Variants in OSR1 observed in about 807,000 individuals in gnomAD.
The protein encoded by OSR1 is odd-skipped related transcription factor 1, also known as protein odd-skipped-related 1.
In OSR1, 3 loss-of-function variants were observed where a neutral mutation model predicts 15.7. That is an observed-to-expected ratio of 0.19 (90% CI 0.09 to 0.50). The LOEUF is 0.50. Among genes scored for constraint, OSR1 ranks in the 20% least tolerant of loss-of-function variants. OSR1 has a pLI of 0.97. For missense variants in OSR1, 271 were observed against 351.1 expected (o/e 0.77, Z 1.82); for synonymous variants, 166 against 152.7 (o/e 1.09, Z -0.64).
At chr2:19,347,941 T>C (rs946761566), downstream of OSR1, among the ~76,000 whole-genome samples, 6 of 152,362 alleles carry the variant, frequency 3.9e-5, no homozygotes, top group African/African-American at 1.4e-4. Context: ...CCTGAGTTTG[T>C]GATCCCCAAA....
At chr2:19,352,489 C>T (rs1664861418) in intron 2 of OSR1, 79 bp from the exon 3 acceptor site, 2 of 1,524,950 alleles carry the variant, frequency 1.3e-6, no homozygotes, top group East Asian at 2.3e-5. Flanking sequence ...CCTCCCACTG[C>T]TGTGGGGCAC....
intron 2 of OSR1, 62 bp downstream of exon 2, chr2:19,353,079 G>A (rs1664871561): frequency 4.5e-6 from 7 of 1,572,056 alleles, no homozygotes; most frequent in South Asian, 3.4e-5. Context: ...AACCTCGTTA[G>A]GGAGAAAGAT....
rs557201910 is a variant in OSR1 at position 19,351,676 on chromosome 2, G to T, written c.*599C>A. The T allele has an allele frequency of 1.3e-5, 2 of 152,812 alleles. No homozygotes were observed. Among genetic ancestry groups the T allele is most frequent in the South Asian group, 4.1e-4 (2 of 4,832 alleles). 9.5% of individuals were successfully genotyped at this position (152,812 alleles called of 1,614,324 possible). A position where few individuals can be genotyped will look rare whatever the true frequency, so the allele number is the denominator to read the frequency against. On this transcript the variant is annotated 3_prime_UTR_variant, in exon 3 of 3. Transcript: ENST00000272223. The stretch of plus-strand genomic sequence containing the variant: ...ACCCCAGGCCCGAGGTCCCCGTCCC[G>T]CTCTCCTAGTCCCGGAGCCCACGGC...
chr2:19,345,259 T>C, the OSR1 span, among the ~76,000 whole-genome samples: 1 of 152,262 alleles, frequency 6.6e-6, no homozygotes, highest in African/African-American at 2.4e-5. Flanking sequence ...AGGTTGCCTG[T>C]TCACTCTGAT....
chr2:19,358,025 C>T (rs1664985195), intron 1 of OSR1: 1 of 152,258 alleles, frequency 6.6e-6, no homozygotes, highest in Non-Finnish European at 1.5e-5. Flanking sequence ...TTAAAGGGGG[C>T]CCACAGATTG....
chr2:19,358,072 G>T (rs1488766287), intron 1 of OSR1: 1 of 152,272 alleles, frequency 6.6e-6, no homozygotes, highest in Non-Finnish European at 1.5e-5. Context: ...CCGTGATTCC[G>T]CAGAGCCGGG....
At position 19,357,028 on chromosome 2, in the gene OSR1, C is replaced by G. The variant is rs567196870; in HGVS notation, c.-33+1313G>C. On this transcript the variant is annotated intron_variant, in intron 1 of 2. Coordinates refer to ENST00000272223, the MANE Select transcript of OSR1 (RefSeq NM_145260.3). The surrounding 1 kb of genome is among the most constrained non-coding windows in gnomAD (Gnocchi z 5.0). Reference sequence around the variant, plus strand: ...TCTCCAACGAGTGGTGACAGGCGTCCGGACCCCCGTGAAGAGGACTGACCG... The same window carrying G: ...TCTCCAACGAGTGGTGACAGGCGTCGGGACCCCCGTGAAGAGGACTGACCG... 69 of 152,286 alleles carry G rather than the reference C, an allele frequency of 4.5e-4. No homozygotes were observed. Among genetic ancestry groups the G allele is most frequent in the African/African-American group, 1.6e-3 (68 of 41,548 alleles). 9.4% of individuals were successfully genotyped at this position (152,286 alleles called of 1,614,324 possible). A position where few individuals can be genotyped will look rare whatever the true frequency, so the allele number is the denominator to read the frequency against.
At chr2:19,348,067 T>C (rs1664766289), downstream of OSR1, among the ~76,000 whole-genome samples, 1 of 152,078 alleles carries the variant, frequency 6.6e-6, no homozygotes, top group African/African-American at 2.4e-5. Context: ...GCTTGCGCAG[T>C]GGGAGAGGAG....
intron 1 of OSR1, chr2:19,354,394 C>A (rs560223612): frequency 0.013 from 1,424 of 107,404 alleles, 30 homozygotes; most frequent in African/African-American, 0.038. Context: ...GAATCTCACA[C>A]ACACACACAC....
At chr2:19,353,028 C>A in intron 2 of OSR1, 113 bp downstream of exon 2, 1 of 1,303,296 alleles carries the variant, frequency 7.7e-7, no homozygotes. Flanking sequence ...TAAAGAATTC[C>A]CTGAAGCTCC....
chr2:19,352,467 T>C, intron 2 of OSR1, 57 bp from the exon 3 acceptor site: 1 of 1,595,502 alleles, frequency 6.3e-7, no homozygotes, highest in Non-Finnish European at 8.6e-7. Flanking sequence ...TATAAACAGT[T>C]GCCCAAGATC....
At chr2:19,355,849 G>A (rs934523221) in intron 1 of OSR1, 10 of 152,270 alleles carry the variant, frequency 6.6e-5, no homozygotes, top group Admixed American at 6.5e-4. Flanking sequence ...CGGACACAAG[G>A]AGAAGTAAAT....
rs764419490 is a variant in OSR1, at chr2:19,352,261, C to T, written c.*14G>A. 5.0e-6 allele frequency: 8 copies of T among 1,613,716 alleles called. No individual in the cohort carries two copies. Among genetic ancestry groups the T allele is most frequent in the Non-Finnish European group, 5.9e-6 (7 of 1,179,790 alleles). The stretch of plus-strand genomic sequence containing the variant: ...GCCGCTGGGCCTAGGGTCCTTGTGA[C>T]CCACAGGTTCTATTTAGCATTTGAT... On this transcript the variant is annotated 3_prime_UTR_variant, in exon 3 of 3. Coordinates refer to ENST00000272223, the MANE Select transcript of OSR1 (RefSeq NM_145260.3).
downstream of OSR1, among the ~76,000 whole-genome samples, chr2:19,347,139 T>TG (rs1449339407): frequency 6.6e-6 from 1 of 152,102 alleles, no homozygotes. Flanking sequence ...ATAATAAAGA[T>TG]GGGGGTGGTA....
At position 19,353,757 on chromosome 2, in the gene OSR1, G is replaced by A; in HGVS notation, c.49C>T (p.Gln17Ter). ...PAPVPIHPSL[Q>*]LTNYSFLQAV... ...TGAAGGAAGGAGTAGTTGGTGAGCT[G>A]CAGGGAAGGGTGGATAGGCACCGGC... Residue 17 changes from glutamine (Q) to a stop codon, truncating the protein, a stop_gained, in exon 2 of 3, where the codon CAG becomes TAG. Coordinates refer to ENST00000272223, the MANE Select transcript of OSR1 (RefSeq NM_145260.3). LOFTEE classifies it high-confidence loss of function. 1 of 1,613,842 alleles carries A rather than the reference G, an allele frequency of 6.2e-7. No homozygotes were observed. The highest frequency in any genetic ancestry group is 8.5e-7 in the Non-Finnish European group (1 of 1,179,910).
Position 19,353,347 on chromosome 2 carries a change from C to A in OSR1, c.459G>T (p.Val153=). Reference sequence around the variant, plus strand: ...GCTTCTTTTCTGGAGACAGCTTGGTCACGTCGAGGAGGGCACCCAGCCCAC... The same window carrying A: ...GCTTCTTTTCTGGAGACAGCTTGGTAACGTCGAGGAGGGCACCCAGCCCAC... The part of the protein sequence containing the change: ...PAGGLGALLD[V]TKLSPEKKPT... Residue 153 remains valine (V), a synonymous_variant, in exon 2 of 3, where the codon GTG becomes GTT. Coordinates refer to ENST00000272223, the MANE Select transcript of OSR1 (RefSeq NM_145260.3). The A allele has an allele frequency of 6.2e-7, 1 of 1,614,224 alleles. No individual in the cohort carries two copies. The highest frequency in any genetic ancestry group is 1.1e-5 in the South Asian group (1 of 91,080).
rs1329652166 is a variant in OSR1 at position 19,352,264 on chromosome 2, A to G, written c.*11T>C. On this transcript the variant is annotated 3_prime_UTR_variant, in exon 3 of 3. Coordinates refer to ENST00000272223, the MANE Select transcript of OSR1 (RefSeq NM_145260.3). ...GCTGGGCCTAGGGTCCTTGTGACCC[A>G]CAGGTTCTATTTAGCATTTGATCTT... 3 of 1,613,900 alleles carry G rather than the reference A, an allele frequency of 1.9e-6. No homozygotes were observed. The South Asian group carries it at 3.3e-5, about 18-fold the overall frequency.
At chr2:19,353,013 G>T in intron 2 of OSR1, 128 bp downstream of exon 2, 1 of 1,205,782 alleles carries the variant, frequency 8.3e-7, no homozygotes, top group Non-Finnish European at 1.1e-6. Flanking sequence ...TTTCCTTCTT[G>T]ATTTTAAAGA....
At chr2:19,356,305 C>T (rs1250118085) in intron 1 of OSR1, 1 of 152,262 alleles carries the variant, frequency 6.6e-6, no homozygotes, top group African/African-American at 2.4e-5. Context: ...CCAACCTTTC[C>T]GGGCTATCTG....
Sources: allele counts gnomAD v4.1 joint callset (sites outside exome capture counted in the v4.1 genomes callset), GRCh38; gene constraint gnomAD v4.1.1; non-coding constraint Gnocchi (gnomAD v3.1); transcripts MANE v1.5; gene names NCBI Gene and HGNC (gene_info 2026-07-23, HGNC 2026-07-21).